Variants in PTPRJ observed in about 807,000 individuals in gnomAD.
The protein encoded by PTPRJ is protein tyrosine phosphatase receptor type J.
In PTPRJ, 129 loss-of-function variants were observed where a neutral mutation model predicts 141.3. The observed-to-expected ratio is 0.91, with a 90% CI of 0.79 to 1.06. The LOEUF (loss-of-function observed/expected upper bound fraction) is 1.06. PTPRJ is among the 50% of genes least tolerant of loss of function. PTPRJ has a pLI of 0.00. For synonymous variants in PTPRJ, 610 were observed against 640.5 expected (o/e 0.95, Z 0.72); for missense variants, 1,601 against 1,679.7 (o/e 0.95, Z 0.82).
At chr11:48,121,579 A>G (rs1168699552) in intron 4 of PTPRJ, among the ~76,000 whole-genome samples, 1 of 152,182 alleles carries the variant, frequency 6.6e-6, no homozygotes, top group African/African-American at 2.4e-5. Context: ...TCTTCATGGT[A>G]ATTACCAGCC....
chr11:48,076,679 A>T (rs541832843), intron 1 of PTPRJ, among the ~76,000 whole-genome samples: 2 of 152,162 alleles, frequency 1.3e-5, no homozygotes, highest in South Asian at 4.1e-4. Context: ...GTTGCATTTA[A>T]GATTTTTTTT....
chr11:48,149,660 T>C, intron 16 of PTPRJ, 172 bp downstream of exon 16: 1 of 558,060 alleles, frequency 1.8e-6, no homozygotes, highest in Non-Finnish European at 3.1e-6. Flanking sequence ...TATGTTTTAT[T>C]AGTCTCCTGA....
intron 1 of PTPRJ, among the ~76,000 whole-genome samples, chr11:47,981,730 G>A (rs1023664116): frequency 5.3e-5 from 8 of 151,880 alleles, no homozygotes; most frequent in Non-Finnish European, 4.4e-5. Context: ...TGTCCCTGGC[G>A]TTTTGGTGAC....
chr11:48,104,214 T>A (rs1018700655), intron 1 of PTPRJ, among the ~76,000 whole-genome samples: 4 of 152,190 alleles, frequency 2.6e-5, no homozygotes, highest in Non-Finnish European at 5.9e-5. Flanking sequence ...CACACCTGCC[T>A]TCAGGGAAGC....
At chr11:47,986,860 A>T (rs775457661) in intron 1 of PTPRJ, among the ~76,000 whole-genome samples, 3 of 152,178 alleles carry the variant, frequency 2.0e-5, no homozygotes, top group Non-Finnish European at 2.9e-5. Context: ...GTAGTATGGA[A>T]TAACTCTGGG....
chr11:48,005,050 C>T (rs1292638440), intron 1 of PTPRJ, among the ~76,000 whole-genome samples: 9 of 151,822 alleles, frequency 5.9e-5, no homozygotes, highest in African/African-American at 1.7e-4. Context: ...GATGAAACCC[C>T]GTCTCTACTA....
chr11:48,061,011 T>G (rs1565282943), intron 1 of PTPRJ, among the ~76,000 whole-genome samples: 1 of 152,224 alleles, frequency 6.6e-6, no homozygotes, highest in Non-Finnish European at 1.5e-5. Flanking sequence ...TTTCTTTCTT[T>G]TTTTTGGAGA....
At chr11:48,120,727 C>T (rs1856683904) in intron 3 of PTPRJ, among the ~76,000 whole-genome samples, 1 of 152,182 alleles carries the variant, frequency 6.6e-6, no homozygotes, top group Non-Finnish European at 1.5e-5. Context: ...GTATCAGCTT[C>T]TATACAGACT....
intron 1 of PTPRJ, among the ~76,000 whole-genome samples, chr11:48,048,933 A>G (rs1854479746): frequency 6.6e-6 from 1 of 152,210 alleles, no homozygotes. Flanking sequence ...GCTTGTATAA[A>G]AGTCAGTCAC....
intron 1 of PTPRJ, among the ~76,000 whole-genome samples, chr11:48,034,838 A>G (rs901358041): frequency 6.6e-6 from 1 of 152,258 alleles, no homozygotes; most frequent in Admixed American, 6.5e-5. Flanking sequence ...GGCGATGGCC[A>G]TACTGGTAAT....
intron 3 of PTPRJ, among the ~76,000 whole-genome samples, chr11:48,115,341 A>G (rs1856538121): frequency 6.6e-6 from 1 of 152,224 alleles, no homozygotes; most frequent in African/African-American, 2.4e-5. Context: ...GCTCCACTTC[A>G]GCTAGCAGCA....
chr11:48,123,975 T>C (rs1346643242), intron 5 of PTPRJ, 105 bp downstream of exon 5: 5 of 1,295,954 alleles, frequency 3.9e-6, no homozygotes, highest in Non-Finnish European at 5.3e-6. Context: ...AGATTTAGAA[T>C]TTATAAAGGG....
intron 1 of PTPRJ, among the ~76,000 whole-genome samples, chr11:48,053,559 A>C (rs943524896): frequency 7.4e-6 from 1 of 134,622 alleles, no homozygotes; most frequent in Admixed American, 8.7e-5. Context: ...TATATATATA[A>C]TTTATATATA....
chr11:48,137,287 T>G lies in PTPRJ; in HGVS notation c.2152+6T>G. The G allele has an allele frequency of 6.2e-7, 1 of 1,610,688 alleles. No individual in the cohort carries two copies. The highest frequency in any genetic ancestry group is 8.5e-7 in the Non-Finnish European group (1 of 1,177,450). ...CCGGAAGTCATTCTGTACAGGTGAG[T>G]GTAGCCCCAACTGCCTCTTGGACTC... is the stretch of plus-strand genomic sequence containing the variant. On this transcript the variant is annotated splice_donor_region_variant and intron_variant, in intron 10 of 24. Coordinates refer to ENST00000418331, the MANE Select transcript of PTPRJ (RefSeq NM_002843.4).
intron 1 of PTPRJ, among the ~76,000 whole-genome samples, chr11:48,034,759 G>A (rs1328736921): frequency 6.6e-6 from 1 of 152,188 alleles, no homozygotes; most frequent in African/African-American, 2.4e-5. Context: ...CTGGCTCCAT[G>A]TTCTAGGTTC....
chr11:48,003,455 G>C (rs1854550387), intron 1 of PTPRJ, among the ~76,000 whole-genome samples: 1 of 151,818 alleles, frequency 6.6e-6, no homozygotes, highest in Admixed American at 6.6e-5. Context: ...GTCCGTCCCA[G>C]CACTGGGTAT....
At chr11:48,039,842 G>A (rs926918068) in intron 1 of PTPRJ, among the ~76,000 whole-genome samples, 1 of 151,542 alleles carries the variant, frequency 6.6e-6, no homozygotes, top group African/African-American at 2.4e-5. Context: ...AGGCTGGGGT[G>A]CAGTAGTGTG....
At chr11:48,147,677 G>A (rs1262649047) in intron 15 of PTPRJ, among the ~76,000 whole-genome samples, 1 of 152,170 alleles carries the variant, frequency 6.6e-6, no homozygotes, top group Non-Finnish European at 1.5e-5. Flanking sequence ...TCTGTGTAGT[G>A]TGTGAAGCCT....
chr11:48,127,114 C>T (rs900353135), intron 6 of PTPRJ, among the ~76,000 whole-genome samples: 1 of 152,038 alleles, frequency 6.6e-6, no homozygotes, highest in African/African-American at 2.4e-5. Context: ...CCCATTGGCT[C>T]ATAGTGGAAC....
Sources: gnomAD v4.1 joint callset for allele counts (sites outside exome capture counted in the v4.1 genomes callset) on GRCh38, gnomAD v4.1.1 for gene constraint, MANE v1.5 for transcripts, NCBI Gene and HGNC (gene_info 2026-07-23, HGNC 2026-07-21) for gene names.